ARB2A: variants seen among roughly 807,000 people sequenced by gnomAD.
ARB2A encodes the protein cotranscriptional regulator ARB2A.
At chr5:93,633,311 C>T in the ARB2A span, among the ~76,000 whole-genome samples, 1 of 152,226 alleles carries the variant, frequency 6.6e-6, no homozygotes, top group Non-Finnish European at 1.5e-5. Context: ...TCTTCAGTCT[C>T]TCCCCTTTGA....
the ARB2A span, among the ~76,000 whole-genome samples, chr5:94,078,887 T>C: frequency 6.6e-6 from 1 of 152,062 alleles, no homozygotes; most frequent in Admixed American, 6.6e-5. Context: ...TGCAGGACTA[T>C]TATGAAGATT....
At chr5:94,096,835 G>A in the ARB2A span, among the ~76,000 whole-genome samples, 1 of 152,266 alleles carries the variant, frequency 6.6e-6, no homozygotes, top group South Asian at 2.1e-4. Context: ...GGAGGAAGCT[G>A]GGAACTCAAC....
the ARB2A span, among the ~76,000 whole-genome samples, chr5:94,035,244 T>TATACATATACATATACAC: frequency 2.1e-5 from 3 of 143,978 alleles, no homozygotes; most frequent in African/African-American, 7.5e-5. Flanking sequence ...TACATATACA[T>TATACATATACATATACAC]ATACATATAC....
the ARB2A span, among the ~76,000 whole-genome samples, chr5:93,849,814 T>C: frequency 7.2e-5 from 11 of 152,186 alleles, no homozygotes; most frequent in African/African-American, 2.6e-4. Flanking sequence ...ATGAAAAAAA[T>C]ACTGGGTGAA....
the ARB2A span, among the ~76,000 whole-genome samples, chr5:94,074,360 C>T: frequency 6.6e-6 from 1 of 151,898 alleles, no homozygotes; most frequent in Non-Finnish European, 1.5e-5. Context: ...AGGCACTAGC[C>T]TTGATTCAAA....
the ARB2A span, among the ~76,000 whole-genome samples, chr5:93,800,151 G>A: frequency 6.6e-6 from 1 of 151,856 alleles, no homozygotes; most frequent in South Asian, 2.1e-4. Flanking sequence ...CAAAGCAAAG[G>A]TATTTAAAAA....
At chr5:93,654,696 A>G in the ARB2A span, among the ~76,000 whole-genome samples, 5 of 152,244 alleles carry the variant, frequency 3.3e-5, 1 homozygote, top group East Asian at 9.6e-4. Flanking sequence ...CTCCTTATCA[A>G]ATCCCTCCTT....
At chr5:93,637,599 A>T in the ARB2A span, among the ~76,000 whole-genome samples, 2 of 152,192 alleles carry the variant, frequency 1.3e-5, no homozygotes, top group African/African-American at 4.8e-5. Context: ...TCCTTCCAGC[A>T]ATCTATGAGC....
At chr5:93,740,718 C>T in the ARB2A span, 1 of 1,613,146 alleles carries the variant, frequency 6.2e-7, no homozygotes, top group South Asian at 1.1e-5. Context: ...GGCAAGGAGG[C>T]CCGGCTGTCC....
At chr5:93,784,419 T>C in the ARB2A span, 1 of 1,613,484 alleles carries the variant, frequency 6.2e-7, no homozygotes. Context: ...TGCCAGCTTC[T>C]TGATGCCACA....
At chr5:94,040,461 G>A in the ARB2A span, among the ~76,000 whole-genome samples, 1 of 151,328 alleles carries the variant, frequency 6.6e-6, no homozygotes, top group Non-Finnish European at 1.5e-5. Flanking sequence ...CCACTAACTC[G>A]TCATTTGCAT....
At chr5:93,922,894 C>G in the ARB2A span, among the ~76,000 whole-genome samples, 1 of 151,834 alleles carries the variant, frequency 6.6e-6, no homozygotes, top group Non-Finnish European at 1.5e-5. Flanking sequence ...GAAATTAAAC[C>G]AAATGGTAGA....
chr5:94,089,908 G>A, the ARB2A span, among the ~76,000 whole-genome samples: 6 of 152,010 alleles, frequency 3.9e-5, no homozygotes, highest in South Asian at 8.3e-4. Flanking sequence ...CTTTCAAAAC[G>A]ACTATTTACA....
At chr5:93,966,741 C>G in the ARB2A span, among the ~76,000 whole-genome samples, 25 of 152,234 alleles carry the variant, frequency 1.6e-4, no homozygotes, top group South Asian at 5.2e-3. Context: ...GTAACTCTCA[C>G]GGTCTCATCC....
At chr5:93,867,049 C>A in the ARB2A span, among the ~76,000 whole-genome samples, 1 of 152,084 alleles carries the variant, frequency 6.6e-6, no homozygotes, top group Admixed American at 6.6e-5. Context: ...ATGAGTTCCT[C>A]TTCTCAATAA....
chr5:94,074,561 G>A, the ARB2A span: 4 of 1,004,938 alleles, frequency 4.0e-6, no homozygotes, highest in African/African-American at 6.6e-5. Flanking sequence ...TTTTAGATTT[G>A]AAATGAATGG....
At chr5:93,741,653 C>T in the ARB2A span, 1 of 1,401,856 alleles carries the variant, frequency 7.1e-7, no homozygotes, top group Non-Finnish European at 9.4e-7. Flanking sequence ...CCCCGCCCCC[C>T]AGTGGGCGGA....
chr5:93,843,641 C>A, the ARB2A span, among the ~76,000 whole-genome samples: 4 of 151,694 alleles, frequency 2.6e-5, no homozygotes, highest in African/African-American at 9.7e-5. Flanking sequence ...ACTATGTTAC[C>A]CAGGCTGGAC....
chr5:93,675,551 GT>G, the ARB2A span, among the ~76,000 whole-genome samples: 1 of 152,086 alleles, frequency 6.6e-6, no homozygotes, highest in African/African-American at 2.4e-5. Context: ...CTCATTTTTG[GT>G]TTCTCTTCTA....
Sources: gnomAD v4.1 joint callset for allele counts (sites outside exome capture counted in the v4.1 genomes callset) on GRCh38, gnomAD v4.1.1 for gene constraint, MANE v1.5 for transcripts, NCBI Gene and HGNC (gene_info 2026-07-23, HGNC 2026-07-21) for gene names.